Variants in AHCYL1 observed in about 807,000 individuals in gnomAD.
AHCYL1 encodes S-adenosylhomocysteine hydrolase-like protein 1.
In AHCYL1, 20 loss-of-function variants were observed where a neutral mutation model predicts 79.3. The observed-to-expected ratio is 0.25, with a 90% CI of 0.18 to 0.37. AHCYL1 has a LOEUF of 0.37. AHCYL1 is among the 10% of genes least tolerant of loss of function. AHCYL1 has a pLI of 1.00. For synonymous variants in AHCYL1, 223 were observed against 242.2 expected, an observed-to-expected ratio of 0.92 and a Z score of 0.74; for missense variants, 330 against 673.6, an observed-to-expected ratio of 0.49 and a Z score of 5.65.
In AHCYL1 at chr1:110,016,828, A is replaced by C. The variant is rs878965929; in HGVS notation, c.963+98A>C. The C allele has an allele frequency of 2.1e-6, 3 of 1,405,502 alleles. No individual in the cohort carries two copies. The South Asian group carries it at 3.9e-5, about 18-fold the overall frequency. 87.1% of individuals were successfully genotyped at this position (1,405,502 alleles called of 1,614,324 possible). On this transcript the variant is annotated intron_variant, in intron 9 of 16. Transcript: ENST00000369799. Reference sequence around the variant, plus strand: ...CTGTCAATCTAGAGTCACTGATACAAGGTTTAAATTTTTTTAGATAATGTA... The same window carrying C: ...CTGTCAATCTAGAGTCACTGATACACGGTTTAAATTTTTTTAGATAATGTA...
intron 1 of AHCYL1, among the ~76,000 whole-genome samples, chr1:109,998,621 G>A (rs766059479): frequency 2.7e-4 from 41 of 152,166 alleles, no homozygotes; most frequent in South Asian, 1.7e-3. Context: ...GGGATTATAG[G>A]TGCCTACCAC....
chr1:110,007,872 GGTT>G (rs1285537331), intron 1 of AHCYL1, among the ~76,000 whole-genome samples: 1 of 152,004 alleles, frequency 6.6e-6, no homozygotes, highest in African/African-American at 2.4e-5. Context: ...TCGGGAGGAA[GGTT>G]TAAACCATGT....
chr1:110,014,636 G>T, intron 5 of AHCYL1, 127 bp from the exon 6 acceptor site: 1 of 615,734 alleles, frequency 1.6e-6, no homozygotes. Flanking sequence ...TTGACTTTTG[G>T]CTCTGAATTT....
rs933174194 is a variant in AHCYL1, at chr1:109,998,101, A to C, written c.121-10933A>C. ...CATAAAGACATTTCATTGTTTGCTC[A>C]GTGATGCATTAAAGCTGAGGCTGCC... On this transcript the variant is annotated intron_variant, in intron 1 of 16. Coordinates refer to ENST00000369799, the MANE Select transcript of AHCYL1 (RefSeq NM_006621.7). Among the ~76,000 whole-genome samples the C allele has an allele frequency of 7.9e-5, 12 of 152,344 alleles. 1 individual carries two copies. The highest frequency in any genetic ancestry group is 6.8e-3 in the Middle Eastern group (2 of 294).
chr1:110,001,304 A>C (rs113576806), intron 1 of AHCYL1, among the ~76,000 whole-genome samples: 5,199 of 151,988 alleles, frequency 0.034, 277 homozygotes, highest in African/African-American at 0.12. Flanking sequence ...CTCCTGCCTC[A>C]GCCTCCTGAG....
intron 1 of AHCYL1, among the ~76,000 whole-genome samples, chr1:109,988,078 C>T (rs990215675): frequency 9.9e-5 from 15 of 151,978 alleles, no homozygotes; most frequent in African/African-American, 3.6e-4. Context: ...TATTGTTAAC[C>T]TCGAGGGCTA....
chr1:110,007,760 G>A lies in AHCYL1; in HGVS notation c.121-1274G>A, dbSNP rs7517430. Among the ~76,000 whole-genome samples the A allele has an allele frequency of 5.2e-3, 789 of 152,232 alleles. 5 individuals carry two copies. Among genetic ancestry groups the A allele is most frequent in the African/African-American group, 0.018 (753 of 41,520 alleles). On this transcript the variant is annotated intron_variant, in intron 1 of 16. Coordinates refer to ENST00000369799, the MANE Select transcript of AHCYL1 (RefSeq NM_006621.7). ...GAACCTTTTCAGATTTAGTCAGATCGTGAACAGAATCTCAGTTCACATACT... is the reference window on the plus strand; with the variant it reads ...GAACCTTTTCAGATTTAGTCAGATCATGAACAGAATCTCAGTTCACATACT...
chr1:109,993,027 T>C (rs990016832), intron 1 of AHCYL1, among the ~76,000 whole-genome samples: 1 of 152,208 alleles, frequency 6.6e-6, no homozygotes, highest in African/African-American at 2.4e-5. Context: ...GCTCCCTCTT[T>C]GGGATGCTCC....
At chr1:110,008,640 A>G (rs72976667) in intron 1 of AHCYL1, among the ~76,000 whole-genome samples, 3,995 of 152,280 alleles carry the variant, frequency 0.026, 176 homozygotes, top group African/African-American at 0.09. Flanking sequence ...ACAAAAACCA[A>G]AAAACCCCAG....
Position 110,023,394 on chromosome 1 carries a change from C to G in AHCYL1, c.*1714C>G, listed in dbSNP as rs1343341958. ...TATTTTCCTCGGGCACTTAACCAAC[C>G]AATCAGAACACCACATCTGTTAGGG... is the stretch of plus-strand genomic sequence containing the variant. On this transcript the variant is annotated 3_prime_UTR_variant, in exon 17 of 17. Transcript: ENST00000369799. 6.6e-6 allele frequency: 1 copy of G among 152,542 alleles called. No homozygotes were observed. Among genetic ancestry groups the G allele is most frequent in the Admixed American group, 6.5e-5 (1 of 15,270 alleles). The allele number at this position is 152,542 out of a possible 1,614,324, so 9.4% of individuals were successfully genotyped here.
chr1:110,017,491 G>A lies in AHCYL1; in HGVS notation c.964-4G>A, dbSNP rs977032116. On this transcript the variant is annotated splice_polypyrimidine_tract_variant and splice_region_variant and intron_variant, in intron 9 of 16. Coordinates refer to ENST00000369799, the MANE Select transcript of AHCYL1 (RefSeq NM_006621.7). Reference sequence around the variant, plus strand: ...AACGACTTGACCTTTCTTTTGTTCTGCAGGTAGGCAAGGGCTGCTGTGCTG... The same window carrying A: ...AACGACTTGACCTTTCTTTTGTTCTACAGGTAGGCAAGGGCTGCTGTGCTG... The A allele has an allele frequency of 3.1e-6, 5 of 1,613,730 alleles. No homozygotes were observed. In the Admixed American group the frequency reaches 6.7e-5, roughly 22 times the overall value.
chr1:109,996,445 A>T (rs1432988789), intron 1 of AHCYL1, among the ~76,000 whole-genome samples: 2 of 152,202 alleles, frequency 1.3e-5, no homozygotes, highest in African/African-American at 2.4e-5. Context: ...CAAAACAAAG[A>T]TTCATACTCT....
In AHCYL1 at chr1:110,021,716, A is replaced by G. The variant is rs781640612; in HGVS notation, c.*36A>G. ...TACCAAGGACCAGTCCACCTGAACC[A>G]CACACTCTAAAGAAATATTTTTTAA... On this transcript the variant is annotated 3_prime_UTR_variant, in exon 17 of 17. Transcript: ENST00000369799. 2.5e-6 allele frequency: 4 copies of G among 1,596,684 alleles called. No individual in the cohort carries two copies. Among genetic ancestry groups the G allele is most frequent in the South Asian group, 2.2e-5 (2 of 89,708 alleles).
intron 1 of AHCYL1, among the ~76,000 whole-genome samples, chr1:109,992,217 G>A (rs1649797714): frequency 6.6e-6 from 1 of 151,988 alleles, no homozygotes; most frequent in Non-Finnish European, 1.5e-5. Context: ...GACCATCATG[G>A]CCAACATGGT....
Position 109,991,984 on chromosome 1 carries a change from C to A in AHCYL1, c.120+6812C>A, listed in dbSNP as rs182171995. Among the ~76,000 whole-genome samples, 217 of 152,256 alleles carry A rather than the reference C, an allele frequency of 1.4e-3. 1 individual carries two copies. The highest frequency in any genetic ancestry group is 3.2e-4 in the Non-Finnish European group (22 of 68,016). ...TATGCTTAATGGGAAATACTTTGTC[C>A]CTTTTCCCCCAAGACTGGCTTGACC... On this transcript the variant is annotated intron_variant, in intron 1 of 16. Coordinates refer to ENST00000369799, the MANE Select transcript of AHCYL1 (RefSeq NM_006621.7).
rs140305579 is a variant in AHCYL1, at chr1:110,004,508, T to A, written c.121-4526T>A. 3.0e-4 allele frequency: 204 copies of A among 676,560 alleles called. 4 individuals are homozygous for A. In the East Asian group the frequency reaches 0.026, roughly 86 times the overall value. The allele number at this position is 676,560 out of a possible 1,614,324, so 41.9% of individuals were successfully genotyped here. Reference sequence around the variant, plus strand: ...GGGAATTCCTTTCTTTGGGAAACACTTTTTTTTTTACTTGAAGTGAAAGGT... The same window carrying A: ...GGGAATTCCTTTCTTTGGGAAACACATTTTTTTTTACTTGAAGTGAAAGGT... On this transcript the variant is annotated intron_variant, in intron 1 of 16. Coordinates refer to ENST00000369799, the MANE Select transcript of AHCYL1 (RefSeq NM_006621.7).
chr1:109,985,694 C>T (rs12084905), intron 1 of AHCYL1: 9,487 of 334,280 alleles, frequency 0.028, 975 homozygotes, highest in African/African-American at 0.2. Context: ...TAACATGAAA[C>T]TGAAAATCTA....
At position 109,984,943 on chromosome 1, in the gene AHCYL1, GGAGGGT is replaced by G; in HGVS notation, c.-108_-103del. On this transcript the variant is annotated 5_prime_UTR_variant, in exon 1 of 17. Coordinates refer to ENST00000369799, the MANE Select transcript of AHCYL1 (RefSeq NM_006621.7). ...ACGCAGCTCGACGCAGGGGCCGGCA[GGAGGGT>G]GGGCGATCGCGTGTCGGAGGGCGCC... 7.5e-7 allele frequency: 1 copy of G among 1,340,352 alleles called. No individual in the cohort carries two copies. 83.0% of individuals were successfully genotyped at this position (1,340,352 alleles called of 1,614,324 possible).
chr1:109,995,468 C>A (rs1570851404), intron 1 of AHCYL1, among the ~76,000 whole-genome samples: 1 of 152,224 alleles, frequency 6.6e-6, no homozygotes, highest in East Asian at 1.9e-4. Flanking sequence ...CCCCTAGGAT[C>A]CATCTGATGG....
Sources: gnomAD v4.1 joint callset for allele counts (sites outside exome capture counted in the v4.1 genomes callset) on GRCh38, gnomAD v4.1.1 for gene constraint, MANE v1.5 for transcripts, NCBI Gene and HGNC (gene_info 2026-07-23, HGNC 2026-07-21) for gene names.